The following TMEM260 variants were observed in gnomAD, a reference collection of about 807,000 sequenced individuals.
The protein encoded by TMEM260 is transmembrane protein 260, also known as protein O-mannosyl-transferase TMEM260.
A neutral mutation model predicts 88.9 loss-of-function variants in TMEM260; 82 were observed. The ratio of observed to expected loss-of-function variants is 0.92; its 90% confidence interval spans 0.77 to 1.11. The LOEUF (loss-of-function observed/expected upper bound fraction) is 1.11, where lower values mean the gene tolerates loss of function less well. Ranked by LOEUF, TMEM260 falls within the 50% of genes least tolerant of loss-of-function variation. The pLI is 0.00. For missense variants in TMEM260, 902 were observed against 853.4 expected (o/e 1.06, Z -0.71); for synonymous variants, 314 against 309.3 (o/e 1.02, Z -0.16).
In TMEM260 at chr14:56,647,963, A is replaced by G. The variant is rs905068022; in HGVS notation, c.*466A>G. On this transcript the variant is annotated 3_prime_UTR_variant, in exon 16 of 16. Coordinates refer to ENST00000261556, the MANE Select transcript of TMEM260 (RefSeq NM_017799.4). Reference sequence around the variant, plus strand: ...CATGTTAGGCTTTAGGTGAGAGTACATTTTTTACAAAGTAGCTATAGTTGT... The same window carrying G: ...CATGTTAGGCTTTAGGTGAGAGTACGTTTTTTACAAAGTAGCTATAGTTGT... 2 of 155,332 alleles carry G rather than the reference A, an allele frequency of 1.3e-5. No homozygotes were observed. Among genetic ancestry groups the G allele is most frequent in the African/African-American group, 4.8e-5 (2 of 41,418 alleles). The allele number at this position is 155,332 out of a possible 1,614,324, so 9.6% of individuals were successfully genotyped here. A position where few individuals can be genotyped will look rare whatever the true frequency, so the allele number is the denominator to read the frequency against.
chr14:56,642,988 C>G (rs1889708864), intron 15 of TMEM260, among the ~76,000 whole-genome samples: 1 of 152,112 alleles, frequency 6.6e-6, no homozygotes, highest in Non-Finnish European at 1.5e-5. Flanking sequence ...CTGAACAGAC[C>G]AATAACAGGC....
chr14:56,638,897 G>T (rs1333536304), intron 15 of TMEM260, among the ~76,000 whole-genome samples: 2 of 152,140 alleles, frequency 1.3e-5, no homozygotes, highest in African/African-American at 4.8e-5. Flanking sequence ...AGCAACACAT[G>T]TATATAGAGG....
intron 6 of TMEM260, among the ~76,000 whole-genome samples, chr14:56,610,963 C>CTTTTTTTTTTTTTTTTTT (rs199955365): frequency 7.0e-6 from 1 of 142,680 alleles, no homozygotes; most frequent in African/African-American, 2.7e-5. Context: ...TTCTTTCTTT[C>CTTTTTTTTTTTTTTTTTT]TTTCTTTTTT....
downstream of TMEM260, among the ~76,000 whole-genome samples, chr14:56,653,042 C>T (rs1411221223): frequency 6.6e-6 from 1 of 152,018 alleles, no homozygotes; most frequent in African/African-American, 2.4e-5. Flanking sequence ...GCCTGTAATC[C>T]CAGCACTTTG....
Position 56,647,450 on chromosome 14 carries a change from C to T in TMEM260, c.2077C>T (p.His693Tyr), listed in dbSNP as rs751016422. Residue 693 changes from histidine (H) to tyrosine (Y), a missense_variant, in exon 16 of 16, where the codon CAC becomes TAC. By Grantham distance (83) the His-to-Tyr change is moderately conservative. Coordinates refer to ENST00000261556, the MANE Select transcript of TMEM260 (RefSeq NM_017799.4). ...QQADILGALK[H>Y]LRKELQSLRN... Reference sequence around the variant, plus strand: ...AGCTGATATTTTAGGTGCTCTAAAGCACCTAAGAAAAGAACTGCAAAGTCT... The same window carrying T: ...AGCTGATATTTTAGGTGCTCTAAAGTACCTAAGAAAAGAACTGCAAAGTCT... 2 of 1,613,326 alleles carry T rather than the reference C, an allele frequency of 1.2e-6. No individual in the cohort carries two copies. The highest frequency in any genetic ancestry group is 2.2e-5 in the East Asian group (1 of 44,860).
chr14:56,638,042 A>T (rs1889250111), intron 15 of TMEM260, among the ~76,000 whole-genome samples: 1 of 147,022 alleles, frequency 6.8e-6, no homozygotes, highest in Admixed American at 6.8e-5. Flanking sequence ...AGAGGATGTC[A>T]TTGGAGTGTC....
chr14:56,632,015 A>C (rs1245454622), intron 12 of TMEM260, among the ~76,000 whole-genome samples: 1 of 152,176 alleles, frequency 6.6e-6, no homozygotes, highest in Non-Finnish European at 1.5e-5. Flanking sequence ...CTATGGTAAC[A>C]CTACCAGGTA....
intron 11 of TMEM260, among the ~76,000 whole-genome samples, chr14:56,625,102 T>C (rs567038032): frequency 2.0e-5 from 3 of 152,228 alleles, no homozygotes; most frequent in Non-Finnish European, 4.4e-5. Flanking sequence ...GGACCCCTGC[T>C]CTAGGTATAA....
chr14:56,662,933 GC>G, the TMEM260 span, among the ~76,000 whole-genome samples: 1 of 152,150 alleles, frequency 6.6e-6, no homozygotes, highest in African/African-American at 2.4e-5. Context: ...TTCGAGACCA[GC>G]CTGACCAAGA....
At chr14:56,616,169 G>A (rs199731620) in intron 8 of TMEM260, 142 bp downstream of exon 8, 43 of 595,586 alleles carry the variant, frequency 7.2e-5, no homozygotes, top group East Asian at 1.4e-4. Context: ...TAAGATAAAC[G>A]TGTATTGCTT....
In TMEM260 at chr14:56,649,194, C is replaced by G. The variant is rs1362175953; in HGVS notation, c.*1697C>G. ...CTTTTGGCTCTCAGTGCCTTTTGCC[C>G]TTTTATCACAGCCTTATTAGGCTCC... On this transcript the variant is annotated 3_prime_UTR_variant, in exon 16 of 16. Coordinates refer to ENST00000261556, the MANE Select transcript of TMEM260 (RefSeq NM_017799.4). The G allele has an allele frequency of 6.6e-6, 1 of 152,588 alleles. No individual in the cohort carries two copies. Among genetic ancestry groups the G allele is most frequent in the Non-Finnish European group, 1.5e-5 (1 of 68,038 alleles). The allele number at this position is 152,588 out of a possible 1,614,324, so 9.5% of individuals were successfully genotyped here.
chr14:56,604,656 TA>T (rs1207402425), intron 4 of TMEM260, among the ~76,000 whole-genome samples: 1 of 152,158 alleles, frequency 6.6e-6, no homozygotes, highest in African/African-American at 2.4e-5. Context: ...GTTTTTGGCT[TA>T]AAAAATATCT....
chr14:56,636,558 C>T lies in TMEM260; in HGVS notation c.1829C>T (p.Pro610Leu). The T allele has an allele frequency of 6.2e-7, 1 of 1,614,006 alleles. No homozygotes were observed. The highest frequency in any genetic ancestry group is 1.1e-5 in the South Asian group (1 of 91,072). The change falls in exon 15 of 16, where the codon CCT (proline) becomes CTT (leucine). Residue 610 changes from proline to leucine, a missense_variant. By Grantham distance (98) the Pro-to-Leu change is moderately conservative (BLOSUM62 -3). Transcript: ENST00000261556. ...IFNLAETAHM[P>L]SKVKAQLYAQ... ...AACCTGGCAGAAACTGCTCACATGCCTTCAAAAGTGAAAGCTCAACTCTAC... is the reference window on the plus strand; with the variant it reads ...AACCTGGCAGAAACTGCTCACATGCTTTCAAAAGTGAAAGCTCAACTCTAC...
At chr14:56,615,892 G>C (rs1422530864) in intron 7 of TMEM260, 52 bp from the exon 8 acceptor site, 1 of 1,230,938 alleles carries the variant, frequency 8.1e-7, no homozygotes, top group African/African-American at 1.5e-5. Flanking sequence ...ATTTTATTTG[G>C]AATCAATCAA....
chr14:56,583,660 G>A (rs1029706053), intron 1 of TMEM260, among the ~76,000 whole-genome samples: 3 of 152,246 alleles, frequency 2.0e-5, no homozygotes, highest in Admixed American at 6.5e-5. Flanking sequence ...GATTAATTCT[G>A]ATGGGGAGGC....
chr14:56,637,208 C>T (rs1045983003), intron 15 of TMEM260, among the ~76,000 whole-genome samples: 3 of 152,178 alleles, frequency 2.0e-5, no homozygotes, highest in African/African-American at 7.2e-5. Context: ...TTATTTGTTA[C>T]AGTGGCAATA....
chr14:56,607,785 G>A (rs944015823), intron 5 of TMEM260, among the ~76,000 whole-genome samples: 1 of 152,094 alleles, frequency 6.6e-6, no homozygotes, highest in Admixed American at 6.5e-5. Context: ...GTGATCTGGG[G>A]TGAGGCCCAG....
intron 3 of TMEM260, among the ~76,000 whole-genome samples, chr14:56,590,680 C>A (rs1045467028): frequency 6.6e-6 from 1 of 152,196 alleles, no homozygotes; most frequent in Non-Finnish European, 1.5e-5. Flanking sequence ...CAGCAGATAG[C>A]TTGAAATATA....
the TMEM260 span, among the ~76,000 whole-genome samples, chr14:56,657,347 G>A: frequency 1.3e-5 from 2 of 152,052 alleles, no homozygotes; most frequent in Non-Finnish European, 2.9e-5. Context: ...CTTCTATGTT[G>A]CCCCGGCTGG....
Sources: gnomAD v4.1 joint callset for allele counts (sites outside exome capture counted in the v4.1 genomes callset) on GRCh38, gnomAD v4.1.1 for gene constraint, MANE v1.5 for transcripts, NCBI Gene and HGNC (gene_info 2026-07-23, HGNC 2026-07-21) for gene names.